PDCD1LG2: variants seen among roughly 807,000 people sequenced by gnomAD.
PDCD1LG2 encodes the protein programmed cell death 1 ligand 2.
In PDCD1LG2, 32 loss-of-function variants were observed where a neutral mutation model predicts 28.2. The ratio of observed to expected loss-of-function variants is 1.13; its 90% CI spans 0.86 to 1.52. PDCD1LG2 has a LOEUF of 1.52. Among genes scored for constraint, PDCD1LG2 ranks in the 40% most tolerant of loss-of-function variants. The probability of loss-of-function intolerance (pLI) is 0.00; values close to 1 mark genes in which losing one functional copy is unlikely to be tolerated. For synonymous variants in PDCD1LG2, 116 were observed against 120.2 expected, an observed-to-expected ratio of 0.97 and a Z score of 0.23; for missense variants, 385 against 323.8, an observed-to-expected ratio of 1.19 and a Z score of -1.45.
At chr9:5,523,831 T>C (rs1820322192) in intron 2 of PDCD1LG2, among the ~76,000 whole-genome samples, 1 of 152,170 alleles carries the variant, frequency 6.6e-6, no homozygotes. Context: ...GTAACCTCTG[T>C]GGGTTTGTAG....
chr9:5,527,027 A>G (rs1820392905), intron 2 of PDCD1LG2, among the ~76,000 whole-genome samples: 1 of 152,208 alleles, frequency 6.6e-6, no homozygotes, highest in African/African-American at 2.4e-5. Context: ...CAAATCATTA[A>G]TCATTAACTC....
chr9:5,516,602 G>A (rs1820169240), intron 1 of PDCD1LG2, among the ~76,000 whole-genome samples: 1 of 152,200 alleles, frequency 6.6e-6, no homozygotes, highest in Non-Finnish European at 1.5e-5. Flanking sequence ...TGATGCCCAG[G>A]CTGTTCGTGC....
At chr9:5,522,442 T>C in intron 1 of PDCD1LG2, 91 bp from the exon 2 acceptor site, 1 of 959,872 alleles carries the variant, frequency 1.0e-6, no homozygotes, top group Non-Finnish European at 1.6e-6. Context: ...CCCCAAATGA[T>C]TTGTTATTCC....
At chr9:5,514,628 C>G (rs577326089) in intron 1 of PDCD1LG2, among the ~76,000 whole-genome samples, 3 of 151,976 alleles carry the variant, frequency 2.0e-5, no homozygotes, top group Non-Finnish European at 4.4e-5. Context: ...ATAGTCCCAG[C>G]TACTTGGGAG....
Position 5,554,215 on chromosome 9 carries a change from C to G in PDCD1LG2, c.632-3403C>G, listed in dbSNP as rs745647117. On this transcript the variant is annotated intron_variant, in intron 4 of 6. Transcript: ENST00000397747. ...TAAGGCAAAAGCAGAGTCCTGTGTTCATAATAAGTGCTCAACAAATGTTGG... is the reference window on the plus strand; with the variant it reads ...TAAGGCAAAAGCAGAGTCCTGTGTTGATAATAAGTGCTCAACAAATGTTGG... 7.7e-4 allele frequency among the ~76,000 whole-genome samples: 118 copies of G among 152,292 alleles called. 1 individual carries two copies. The highest frequency in any genetic ancestry group is 1.2e-4 in the Non-Finnish European group (8 of 68,028).
intron 1 of PDCD1LG2, among the ~76,000 whole-genome samples, chr9:5,519,081 G>T (rs1820224008): frequency 6.6e-6 from 1 of 152,234 alleles, no homozygotes; most frequent in Non-Finnish European, 1.5e-5. Context: ...GGGTCAGCCA[G>T]GAGGTGGGTG....
At chr9:5,520,115 C>T (rs562359524) in intron 1 of PDCD1LG2, among the ~76,000 whole-genome samples, 24 of 152,046 alleles carry the variant, frequency 1.6e-4, no homozygotes, top group Admixed American at 1.4e-3. Flanking sequence ...GTAAGGAAGC[C>T]CGAATAGCCC....
rs1820038349 is a variant in PDCD1LG2 at position 5,510,593 on chromosome 9, A to T, written c.-225A>T. On this transcript the variant is annotated 5_prime_UTR_variant, in exon 1 of 7. Coordinates refer to ENST00000397747, the MANE Select transcript of PDCD1LG2 (RefSeq NM_025239.4). ...ACTTTTCTTCTCTTGAATATATCTT[A>T]ACGCCAAATTTTGAGTGCTTTTTTG... 2.0e-5 allele frequency: 3 copies of T among 152,610 alleles called. No homozygotes were observed. Among genetic ancestry groups the T allele is most frequent in the Admixed American group, 2.0e-4 (3 of 15,276 alleles). The allele number at this position is 152,610 out of a possible 1,614,324, so 9.5% of individuals were successfully genotyped here. A position where few individuals can be genotyped will look rare whatever the true frequency, so the allele number is the denominator to read the frequency against.
At chr9:5,519,664 C>A (rs1820237328) in intron 1 of PDCD1LG2, among the ~76,000 whole-genome samples, 1 of 152,128 alleles carries the variant, frequency 6.6e-6, no homozygotes. Context: ...TTGATGACTC[C>A]TAAATTTACA....
At chr9:5,547,196 A>G (rs1237996180) in intron 3 of PDCD1LG2, among the ~76,000 whole-genome samples, 2 of 152,258 alleles carry the variant, frequency 1.3e-5, no homozygotes, top group African/African-American at 4.8e-5. Context: ...TTTTAATGTG[A>G]AATTGTTTTT....
At chr9:5,511,436 A>G (rs1820055822) in intron 1 of PDCD1LG2, among the ~76,000 whole-genome samples, 2 of 152,252 alleles carry the variant, frequency 1.3e-5, no homozygotes, top group South Asian at 4.1e-4. Flanking sequence ...GCCTGGATGC[A>G]CTGAGTAGAA....
chr9:5,531,384 T>C lies in PDCD1LG2; in HGVS notation c.56-3361T>C, dbSNP rs535823478. ...CAAAGTTTGCATGTCTTAGAAACTT[T>C]ACTTGGGGCAAAATTAGACCAAGTA... On this transcript the variant is annotated intron_variant, in intron 2 of 6. Transcript: ENST00000397747. 2.6e-5 allele frequency among the ~76,000 whole-genome samples: 4 copies of C among 152,364 alleles called. No individual in the cohort carries two copies. The South Asian group carries it at 6.2e-4, about 24-fold the overall frequency.
intron 4 of PDCD1LG2, 73 bp from the exon 5 acceptor site, chr9:5,557,545 C>T (rs137866377): frequency 0.017 from 26,146 of 1,546,934 alleles, 269 homozygotes; most frequent in Non-Finnish European, 0.019. Flanking sequence ...CTGTCACCCA[C>T]TCATGTGGCC....
intron 5 of PDCD1LG2, among the ~76,000 whole-genome samples, chr9:5,560,623 C>T (rs1406745870): frequency 6.6e-6 from 1 of 151,870 alleles, no homozygotes; most frequent in Non-Finnish European, 1.5e-5. Context: ...CCTTCTAGGC[C>T]CTCATGTTGA....
At chr9:5,538,246 T>G (rs992874084) in intron 3 of PDCD1LG2, among the ~76,000 whole-genome samples, 3 of 152,166 alleles carry the variant, frequency 2.0e-5, no homozygotes, top group Admixed American at 1.3e-4. Flanking sequence ...CTCATTCCCC[T>G]TTTTTAACAC....
chr9:5,563,646 G>A (rs539759484), intron 6 of PDCD1LG2, among the ~76,000 whole-genome samples: 1 of 152,344 alleles, frequency 6.6e-6, no homozygotes, highest in East Asian at 1.9e-4. Flanking sequence ...ATCTGTGGAG[G>A]AGGAAGGATA....
chr9:5,567,264 A>G (rs1293205527), intron 6 of PDCD1LG2, among the ~76,000 whole-genome samples: 2 of 152,228 alleles, frequency 1.3e-5, no homozygotes, highest in African/African-American at 2.4e-5. Context: ...TGTGATGGAT[A>G]TGCTCTAAGG....
At chr9:5,546,687 C>A (rs1173175248) in intron 3 of PDCD1LG2, among the ~76,000 whole-genome samples, 1 of 152,160 alleles carries the variant, frequency 6.6e-6, no homozygotes, top group African/African-American at 2.4e-5. Context: ...GAGACACATC[C>A]TCTTATGGTG....
At chr9:5,549,706 T>A (rs1816288868) in intron 4 of PDCD1LG2, 102 bp downstream of exon 4, 4 of 1,389,276 alleles carry the variant, frequency 2.9e-6, no homozygotes, top group Non-Finnish European at 3.9e-6. Flanking sequence ...AGGGACTGTT[T>A]ACAAAGGTGT....
Sources: allele counts gnomAD v4.1 joint callset (sites outside exome capture counted in the v4.1 genomes callset), GRCh38; gene constraint gnomAD v4.1.1; transcripts MANE v1.5; gene names NCBI Gene and HGNC (gene_info 2026-07-23, HGNC 2026-07-21).